PDPR: variants seen among roughly 807,000 people sequenced by gnomAD.
PDPR encodes the protein pyruvate dehydrogenase phosphatase regulatory subunit, mitochondrial.
Under a neutral mutation model 102.2 loss-of-function variants are expected in PDPR, and 50 were observed. The observed-to-expected ratio is 0.49, with a 90% CI of 0.39 to 0.62. PDPR has a LOEUF of 0.62. Ranked by LOEUF, PDPR falls within the 20% of genes least tolerant of loss-of-function variation. PDPR has a pLI of 0.00. For missense variants in PDPR, 625 were observed against 1,098.2 expected (o/e 0.57, Z 6.09); for synonymous variants, 259 against 406.0 (o/e 0.64, Z 4.35).
intron 4 of PDPR, among the ~76,000 whole-genome samples, chr16:70,127,758 T>A (rs2152074078): frequency 6.6e-6 from 1 of 152,412 alleles, no homozygotes; most frequent in East Asian, 1.9e-4. Context: ...GGCCCAAGTG[T>A]AATTATGGTT....
rs1235627216 is a variant in PDPR at position 70,158,821 on chromosome 16, A to C, written c.*1942A>C. On this transcript the variant is annotated 3_prime_UTR_variant, in exon 19 of 19. Transcript: ENST00000288050. ...CAGACTTACCTCCGAAGATGGAGAC[A>C]GGTGACTGAGAGCTGCAGGCCTCCT... 2 of 152,744 alleles carry C rather than the reference A, an allele frequency of 1.3e-5. No homozygotes were observed. 9.5% of individuals were successfully genotyped at this position (152,744 alleles called of 1,614,324 possible).
intron 7 of PDPR, among the ~76,000 whole-genome samples, chr16:70,130,959 A>T (rs1964481649): frequency 6.6e-6 from 1 of 152,288 alleles, no homozygotes; most frequent in African/African-American, 2.4e-5. Flanking sequence ...TCCCGAAGTG[A>T]ACTAAGAAAT....
chr16:70,124,793 C>T (rs943945204), intron 3 of PDPR, among the ~76,000 whole-genome samples: 7 of 152,232 alleles, frequency 4.6e-5, no homozygotes, highest in African/African-American at 1.4e-4. Flanking sequence ...AGCTGACAAT[C>T]TTATGTGGAA....
chr16:70,153,507 T>C lies in PDPR; in HGVS notation c.2169T>C (p.Gly723=), dbSNP rs1966850996. Residue 723 remains glycine (G), a synonymous_variant, in exon 18 of 19, where the codon GGT becomes GGC. Transcript: ENST00000288050. ...LRIEKFFAFW[G]QDINNLTTPL... is the part of the protein sequence containing the mutation. Reference sequence around the variant, plus strand: ...TTGAGAAGTTTTTTGCCTTCTGGGGTCAGGATATAAATAACCTCACCACGC... The same window carrying C: ...TTGAGAAGTTTTTTGCCTTCTGGGGCCAGGATATAAATAACCTCACCACGC... 3.7e-6 allele frequency: 6 copies of C among 1,612,866 alleles called. No homozygotes were observed. In the African/African-American group the frequency reaches 8.0e-5, roughly 21 times the overall value.
intron 2 of PDPR, among the ~76,000 whole-genome samples, chr16:70,118,138 G>C (rs1377631487): frequency 6.6e-6 from 1 of 151,810 alleles, no homozygotes; most frequent in Non-Finnish European, 1.5e-5. Context: ...AAAAGGGAGG[G>C]AAACGTTGCA....
At chr16:70,151,074 A>G (rs764392165) in intron 17 of PDPR, among the ~76,000 whole-genome samples, 2 of 152,224 alleles carry the variant, frequency 1.3e-5, no homozygotes, top group African/African-American at 2.4e-5. Flanking sequence ...AGCTGGGACT[A>G]CAGGCACACG....
chr16:70,163,393 G>C (rs1377032915), downstream of PDPR, among the ~76,000 whole-genome samples: 1 of 152,202 alleles, frequency 6.6e-6, no homozygotes, highest in Non-Finnish European at 1.5e-5. Context: ...AACCACGCCA[G>C]AAACCTGGGA....
intron 1 of PDPR, 56 bp downstream of exon 1, chr16:70,114,496 C>T (rs1468515978): frequency 6.6e-6 from 1 of 152,198 alleles, no homozygotes; most frequent in African/African-American, 2.4e-5. Context: ...GGCCTAAGCG[C>T]CCCGGGACCC....
chr16:70,153,660 GA>G, intron 18 of PDPR, 87 bp downstream of exon 18: 3 of 1,349,166 alleles, frequency 2.2e-6, no homozygotes, highest in Non-Finnish European at 2.0e-6. Flanking sequence ...GATGTGACAG[GA>G]AAAGGGGGAA....
At chr16:70,151,387 C>T (rs145445116) in intron 17 of PDPR, among the ~76,000 whole-genome samples, 4 of 152,378 alleles carry the variant, frequency 2.6e-5, no homozygotes, top group African/African-American at 7.2e-5. Context: ...ACTATTTGAG[C>T]CACTGTGCCC....
rs1051159852 is a variant in PDPR, at chr16:70,159,227, G to A, written c.*2348G>A. On this transcript the variant is annotated 3_prime_UTR_variant, in exon 19 of 19. Coordinates refer to ENST00000288050, the MANE Select transcript of PDPR (RefSeq NM_017990.5). Reference sequence around the variant, plus strand: ...TTAGCTGTCCTTTGTAAGAAGTCAGGAAATCTGATGCTGTGTCCAAAATTA... The same window carrying A: ...TTAGCTGTCCTTTGTAAGAAGTCAGAAAATCTGATGCTGTGTCCAAAATTA... The A allele has an allele frequency of 2.0e-5, 3 of 152,356 alleles. No homozygotes were observed. The highest frequency in any genetic ancestry group is 4.4e-5 in the Non-Finnish European group (3 of 68,076). 9.4% of individuals were successfully genotyped at this position (152,356 alleles called of 1,614,324 possible). A position where few individuals can be genotyped will look rare whatever the true frequency, so the allele number is the denominator to read the frequency against.
intron 9 of PDPR, among the ~76,000 whole-genome samples, chr16:70,133,121 T>G (rs1353151256): frequency 3.3e-4 from 48 of 147,382 alleles, no homozygotes; most frequent in South Asian, 2.0e-3. Context: ...CTTTTTTTTT[T>G]TTTTTTTTTT....
chr16:70,161,927 G>A lies in PDPR; in HGVS notation c.*5048G>A, dbSNP rs1967827877. The A allele has an allele frequency of 6.6e-6, 1 of 152,462 alleles. No individual in the cohort carries two copies. The highest frequency in any genetic ancestry group is 2.4e-5 in the African/African-American group (1 of 41,578). 9.4% of individuals were successfully genotyped at this position (152,462 alleles called of 1,614,324 possible). A position where few individuals can be genotyped will look rare whatever the true frequency, so the allele number is the denominator to read the frequency against. On this transcript the variant is annotated 3_prime_UTR_variant, in exon 19 of 19. Transcript: ENST00000288050. Reference sequence around the variant, plus strand: ...GACAGAAATTACAGGAGATAGGGAGGGTTTTTTAGCATCTCTTTCAAAAGA... The same window carrying A: ...GACAGAAATTACAGGAGATAGGGAGAGTTTTTTAGCATCTCTTTCAAAAGA...
intron 3 of PDPR, among the ~76,000 whole-genome samples, chr16:70,121,303 A>G (rs1963242050): frequency 2.0e-5 from 3 of 151,646 alleles, no homozygotes. Context: ...AAGTCCCTTT[A>G]TATTAATTTG....
intron 3 of PDPR, among the ~76,000 whole-genome samples, chr16:70,121,689 CAA>C (rs145401299): frequency 7.8e-4 from 110 of 141,142 alleles, no homozygotes; most frequent in East Asian, 1.4e-3. Context: ...GAGACTGTCT[CAA>C]AAAAAAAAAA....
At position 70,115,739 on chromosome 16, in the gene PDPR, T is replaced by C. The variant is rs369220300; in HGVS notation, c.-33+809T>C. ...CTGAGTAGAGCCAGCTGCAGTCTTA[T>C]GGTTGTTTAGCAGAAGTTATTCTTC... On this transcript the variant is annotated intron_variant, in intron 2 of 18. Transcript: ENST00000288050. 2.3e-4 allele frequency among the ~76,000 whole-genome samples: 35 copies of C among 152,250 alleles called. No homozygotes were observed. The East Asian group carries it at 5.8e-3, about 25-fold the overall frequency.
At chr16:70,124,161 A>C (rs1224914441) in intron 3 of PDPR, among the ~76,000 whole-genome samples, 1 of 152,254 alleles carries the variant, frequency 6.6e-6, no homozygotes, top group East Asian at 1.9e-4. Context: ...TCGGGAGTTC[A>C]AGACCAGCCT....
At chr16:70,141,007 T>TGG (rs1164712214) in intron 11 of PDPR, among the ~76,000 whole-genome samples, 3 of 152,256 alleles carry the variant, frequency 2.0e-5, no homozygotes, top group African/African-American at 7.2e-5. Flanking sequence ...GATCACACTC[T>TGG]TCTGGCTTTT....
intron 9 of PDPR, among the ~76,000 whole-genome samples, chr16:70,134,740 C>T (rs1459729026): frequency 3.3e-5 from 5 of 150,706 alleles, no homozygotes; most frequent in South Asian, 2.1e-4. Flanking sequence ...GGGCTGAGAT[C>T]GCACCACTGC....
Sources: allele counts gnomAD v4.1 joint callset (sites outside exome capture counted in the v4.1 genomes callset), GRCh38; gene constraint gnomAD v4.1.1; transcripts MANE v1.5; gene names NCBI Gene and HGNC (gene_info 2026-07-23, HGNC 2026-07-21).